NPY2R: variants seen among roughly 807,000 people sequenced by gnomAD.
NPY2R encodes neuropeptide Y receptor type 2.
NPY2R carries 17 observed loss-of-function variants against 22.3 expected under a neutral mutation model. That is an observed-to-expected ratio of 0.76 (90% CI 0.52 to 1.14). The LOEUF (loss-of-function observed/expected upper bound fraction) is 1.14. Ranked by LOEUF, NPY2R falls within the 50% of genes most tolerant of loss-of-function variation. The probability of loss-of-function intolerance (pLI) is 0.00; values close to 1 mark genes in which losing one functional copy is unlikely to be tolerated. For missense variants in NPY2R, 424 were observed against 467.9 expected, an observed-to-expected ratio of 0.91 and a Z score of 0.87; for synonymous variants, 209 against 183.4, an observed-to-expected ratio of 1.14 and a Z score of -1.13.
At chr4:155,203,543 A>G in the NPY2R span, among the ~76,000 whole-genome samples, 4 of 152,134 alleles carry the variant, frequency 2.6e-5, no homozygotes, top group African/African-American at 9.7e-5. Flanking sequence ...ATGCAGCCCC[A>G]ATTATATCTG....
chr4:155,193,780 C>A, the NPY2R span, among the ~76,000 whole-genome samples: 1 of 151,892 alleles, frequency 6.6e-6, no homozygotes, highest in Non-Finnish European at 1.5e-5. Context: ...GTATGAGAAA[C>A]ATTTATTGAC....
upstream of NPY2R, chr4:155,206,769 G>A (rs1729291841): frequency 6.6e-6 from 1 of 152,198 alleles, no homozygotes. Context: ...ATTTTCCAAA[G>A]CAATTGCTCT....
At chr4:155,201,979 C>T in the NPY2R span, among the ~76,000 whole-genome samples, 6 of 152,052 alleles carry the variant, frequency 3.9e-5, no homozygotes, top group African/African-American at 1.4e-4. Flanking sequence ...TGCCGGTTCC[C>T]TTTAATTTAT....
rs1560765420 is a variant in NPY2R at position 155,214,621 on chromosome 4, T to C, written c.682T>C (p.Tyr228His). The C allele has an allele frequency of 1.2e-6, 2 of 1,614,202 alleles. No homozygotes were observed. The highest frequency in any genetic ancestry group is 8.5e-7 in the Non-Finnish European group (1 of 1,180,014). Residue 228 changes from tyrosine (Y) to histidine (H), a missense_variant, in exon 2 of 2, where the codon TAT becomes CAT. Coordinates refer to ENST00000329476, the MANE Select transcript of NPY2R (RefSeq NM_000910.4). ...VYSLSSLLILYVLPLGIISFS... is the reference protein window; with the variant it reads ...VYSLSSLLILHVLPLGIISFS... The stretch of plus-strand genomic sequence containing the variant: ...TAGTCTTTCTTCCTTGTTGATCTTG[T>C]ATGTTTTGCCTCTGGGCATTATATC...
chr4:155,182,825 C>T, the NPY2R span, among the ~76,000 whole-genome samples: 2 of 152,032 alleles, frequency 1.3e-5, no homozygotes, highest in Non-Finnish European at 2.9e-5. Flanking sequence ...TGGAGTCTCG[C>T]TGTTTCACCC....
At chr4:155,212,685 T>C (rs1003022473) in intron 1 of NPY2R, among the ~76,000 whole-genome samples, 7 of 152,050 alleles carry the variant, frequency 4.6e-5, no homozygotes, top group Admixed American at 4.6e-4. Context: ...ATTAGAGTAA[T>C]CATGATAAGA....
chr4:155,215,580 C>A lies in NPY2R; in HGVS notation c.*495C>A. Reference sequence around the variant, plus strand: ...GCATTTTGATTTTTTTGTTCATTCTCTAGACAAAATCCATCAGGGAATGCT... The same window carrying A: ...GCATTTTGATTTTTTTGTTCATTCTATAGACAAAATCCATCAGGGAATGCT... On this transcript the variant is annotated 3_prime_UTR_variant, in exon 2 of 2. Coordinates refer to ENST00000329476, the MANE Select transcript of NPY2R (RefSeq NM_000910.4). 5.0e-6 allele frequency: 1 copy of A among 200,514 alleles called. No homozygotes were observed. The highest frequency in any genetic ancestry group is 1.1e-5 in the Non-Finnish European group (1 of 87,912). 12.4% of individuals were successfully genotyped at this position (200,514 alleles called of 1,614,324 possible).
chr4:155,196,052 A>C, the NPY2R span, among the ~76,000 whole-genome samples: 1 of 152,088 alleles, frequency 6.6e-6, no homozygotes, highest in African/African-American at 2.4e-5. Flanking sequence ...AATGAAAAAA[A>C]ATCATAAATG....
upstream of NPY2R, among the ~76,000 whole-genome samples, chr4:155,205,890 G>C (rs1729275828): frequency 6.6e-6 from 1 of 151,718 alleles, no homozygotes; most frequent in South Asian, 2.1e-4. Flanking sequence ...TCCACTAGGA[G>C]TTTTGGATTT....
At chr4:155,193,290 A>T in the NPY2R span, among the ~76,000 whole-genome samples, 1 of 151,928 alleles carries the variant, frequency 6.6e-6, no homozygotes, top group Non-Finnish European at 1.5e-5. Context: ...GACTTGTCCA[A>T]CTAATTTGCC....
chr4:155,187,806 C>T, the NPY2R span, among the ~76,000 whole-genome samples: 2 of 152,056 alleles, frequency 1.3e-5, no homozygotes, highest in African/African-American at 2.4e-5. Flanking sequence ...AATTTCATTA[C>T]AAATAAGATT....
At chr4:155,198,410 A>G in the NPY2R span, among the ~76,000 whole-genome samples, 2,337 of 148,676 alleles carry the variant, frequency 0.016, 48 homozygotes, top group African/African-American at 0.052. Context: ...TTAATTATAT[A>G]TATGTATATA....
chr4:155,198,542 TATATAA>T, the NPY2R span, among the ~76,000 whole-genome samples: 7 of 146,860 alleles, frequency 4.8e-5, no homozygotes, highest in African/African-American at 1.7e-4. Flanking sequence ...TCAAATATCT[TATATAA>T]ATATAAATAT....
At position 155,216,442 on chromosome 4, in the gene NPY2R, C is replaced by T. The variant is rs1012862948; in HGVS notation, c.*1357C>T. ...CAACTGAGATGTTAAAATAGTCATA[C>T]GTCTTTAGATGCTATTAAAGTTTCA... On this transcript the variant is annotated 3_prime_UTR_variant, in exon 2 of 2. Coordinates refer to ENST00000329476, the MANE Select transcript of NPY2R (RefSeq NM_000910.4). The T allele has an allele frequency of 3.6e-5, 6 of 166,638 alleles. No individual in the cohort carries two copies. Among genetic ancestry groups the T allele is most frequent in the Admixed American group, 6.6e-5 (1 of 15,248 alleles). The allele number at this position is 166,638 out of a possible 1,614,324, so 10.3% of individuals were successfully genotyped here.
At chr4:155,202,271 C>G in the NPY2R span, among the ~76,000 whole-genome samples, 1 of 152,108 alleles carries the variant, frequency 6.6e-6, no homozygotes, top group Non-Finnish European at 1.5e-5. Context: ...TTCCCATACA[C>G]AAGATTCATT....
At chr4:155,189,588 A>G in the NPY2R span, among the ~76,000 whole-genome samples, 1 of 152,020 alleles carries the variant, frequency 6.6e-6, no homozygotes, top group African/African-American at 2.4e-5. Context: ...CTTTTAAAGT[A>G]GCATTTTTAT....
rs1183632865 is a variant in NPY2R at position 155,213,905 on chromosome 4, G to C, written c.-35G>C. ...TTTTCTTTTTAGGTTGTAGACTCTT[G>C]TGCTGGTTGCAGGCCAAGTGGACCT... On this transcript the variant is annotated 5_prime_UTR_variant, in exon 2 of 2. Transcript: ENST00000329476. 1 of 1,562,658 alleles carries C rather than the reference G, an allele frequency of 6.4e-7. No homozygotes were observed. The highest frequency in any genetic ancestry group is 8.8e-7 in the Non-Finnish European group (1 of 1,133,786).
At chr4:155,183,012 C>G in the NPY2R span, among the ~76,000 whole-genome samples, 188 of 152,174 alleles carry the variant, frequency 1.2e-3, no homozygotes, top group African/African-American at 4.3e-3. Flanking sequence ...AGGCTGGTTT[C>G]AAACTCCTGA....
chr4:155,197,702 C>T, the NPY2R span, among the ~76,000 whole-genome samples: 1 of 151,950 alleles, frequency 6.6e-6, no homozygotes, highest in Admixed American at 6.6e-5. Context: ...ACATGAATAG[C>T]TAAATTAAAT....
Sources: allele counts gnomAD v4.1 joint callset (sites outside exome capture counted in the v4.1 genomes callset), GRCh38; gene constraint gnomAD v4.1.1; transcripts MANE v1.5; gene names NCBI Gene and HGNC (gene_info 2026-07-23, HGNC 2026-07-21).